The following MBP variants were observed in gnomAD, a reference collection of about 807,000 sequenced individuals.
MBP encodes the protein Golli-MBP.
A neutral mutation model predicts 35.8 loss-of-function variants in MBP; 16 were observed. The observed-to-expected ratio is 0.45, with a 90% CI of 0.30 to 0.68. The LOEUF is 0.68. MBP is among the 30% of genes least tolerant of loss of function. MBP has a pLI of 0.08. For synonymous variants in MBP, 143 were observed against 159.6 expected, an observed-to-expected ratio of 0.90 and a Z score of 0.78; for missense variants, 380 against 404.7, an observed-to-expected ratio of 0.94 and a Z score of 0.52.
intron 4 of MBP, among the ~76,000 whole-genome samples, chr18:77,008,677 C>T (rs898822458): frequency 2.0e-5 from 3 of 152,244 alleles, no homozygotes; most frequent in Non-Finnish European, 4.4e-5. Context: ...GCCCTGGCTT[C>T]CTCTGCTGCA....
At chr18:77,004,675 A>G (rs1970823581) in intron 4 of MBP, 2 of 152,276 alleles carry the variant, frequency 1.3e-5, no homozygotes, top group South Asian at 4.1e-4. Context: ...CAGAGGATGC[A>G]GCTCCTTGCA....
At chr18:77,129,601 T>C (rs1977172785) in intron 1 of MBP, among the ~76,000 whole-genome samples, 1 of 152,260 alleles carries the variant, frequency 6.6e-6, no homozygotes, top group African/African-American at 2.4e-5. Context: ...TCGCCTGGCA[T>C]TTCTGCTCAG....
intron 7 of MBP, chr18:76,986,249 C>T (rs1156236926): frequency 3.0e-6 from 3 of 985,410 alleles, no homozygotes; most frequent in African/African-American, 1.7e-5. Context: ...GGAGACTGTC[C>T]TTGAGCCCTC....
At chr18:76,985,133 T>G (rs1969472234) in intron 7 of MBP, 3 of 1,539,414 alleles carry the variant, frequency 1.9e-6, no homozygotes, top group Non-Finnish European at 2.6e-6. Context: ...GGGCGGAGGC[T>G]CTCTCATGAG....
At chr18:77,014,024 T>TCCTC in intron 4 of MBP, 1 of 985,422 alleles carries the variant, frequency 1.0e-6, no homozygotes. Flanking sequence ...GCTCACCCAT[T>TCCTC]CCTCATGTGA....
chr18:77,010,096 C>T (rs917998911), intron 4 of MBP: 1 of 609,836 alleles, frequency 1.6e-6, no homozygotes, highest in African/African-American at 1.8e-5. Context: ...AAGGCATGTG[C>T]AGATGATGGA....
rs144597580 is a variant in MBP at position 77,017,213 on chromosome 18, A to G, written c.195T>C (p.Thr65=). The change falls in exon 4 of 9, where the codon ACT becomes ACC. Residue 65 remains threonine (T), a synonymous_variant. Coordinates refer to ENST00000355994, the MANE Select transcript of MBP (RefSeq NM_001025101.2). ...TCGGGTCCGCTGTGCGCTTGGAGTC[A>G]GTCACCGCTGTGTCCTGAGAGGAGG... is the stretch of plus-strand genomic sequence containing the variant. ...NGTSSQDTAV[T]DSKRTADPKN... is the part of the protein sequence containing the mutation. The G allele has an allele frequency of 1.5e-5, 23 of 1,527,344 alleles. No homozygotes were observed. The highest frequency in any genetic ancestry group is 2.0e-5 in the Non-Finnish European group (23 of 1,138,332). 94.6% of individuals were successfully genotyped at this position (1,527,344 alleles called of 1,614,324 possible).
intron 3 of MBP, among the ~76,000 whole-genome samples, chr18:77,040,269 T>G (rs983242283): frequency 6.6e-6 from 1 of 152,088 alleles, no homozygotes; most frequent in Non-Finnish European, 1.5e-5. Context: ...CACTGCTCAA[T>G]GAAATAAAAG....
chr18:77,105,570 T>C (rs66724328), intron 1 of MBP, among the ~76,000 whole-genome samples: 6,193 of 152,264 alleles, frequency 0.041, 167 homozygotes, highest in African/African-American at 0.079. Context: ...TCTGTGTATA[T>C]GTACAGAAAT....
At chr18:77,064,670 AT>A (rs1463132841) in intron 3 of MBP, among the ~76,000 whole-genome samples, 1 of 152,262 alleles carries the variant, frequency 6.6e-6, no homozygotes, top group Non-Finnish European at 1.5e-5. Flanking sequence ...AACAAAAAAA[AT>A]CGGCATAAAT....
intron 1 of MBP, among the ~76,000 whole-genome samples, chr18:77,122,667 C>T (rs889304490): frequency 5.3e-5 from 8 of 152,148 alleles, no homozygotes; most frequent in South Asian, 2.1e-4. Context: ...CTCAGCCTCC[C>T]GAGTAGCTGG....
chr18:77,125,684 G>T (rs1977024987), intron 1 of MBP, among the ~76,000 whole-genome samples: 1 of 152,062 alleles, frequency 6.6e-6, no homozygotes, highest in African/African-American at 2.4e-5. Flanking sequence ...TTTAACTGTT[G>T]TAAGTAAATC....
chr18:77,072,719 T>C (rs1046138013), intron 2 of MBP, among the ~76,000 whole-genome samples: 1 of 152,232 alleles, frequency 6.6e-6, no homozygotes, highest in Non-Finnish European at 1.5e-5. Context: ...CCAGGACTCC[T>C]GGTGTGGCAG....
At chr18:77,075,663 G>A (rs77796196) in intron 2 of MBP, among the ~76,000 whole-genome samples, 4,601 of 152,276 alleles carry the variant, frequency 0.03, 103 homozygotes, top group Non-Finnish European at 0.043. Flanking sequence ...TTGAAGACCC[G>A]CGTGAACTCA....
At chr18:77,017,404 G>A in intron 3 of MBP, 136 bp from the exon 4 acceptor site, 1 of 727,422 alleles carries the variant, frequency 1.4e-6, no homozygotes, top group Non-Finnish European at 2.0e-6. Flanking sequence ...TAAAGCCCTT[G>A]GCCTAGGATG....
chr18:77,090,738 A>C (rs566384633), intron 2 of MBP, among the ~76,000 whole-genome samples: 29 of 152,214 alleles, frequency 1.9e-4, no homozygotes, highest in Admixed American at 4.6e-4. Flanking sequence ...GGTGAAGTCC[A>C]GGCTCAGCGG....
At chr18:77,086,154 C>T (rs1975225082) in intron 2 of MBP, among the ~76,000 whole-genome samples, 1 of 152,234 alleles carries the variant, frequency 6.6e-6, no homozygotes, top group Admixed American at 6.5e-5. Flanking sequence ...CTGAGTTCTG[C>T]TATCCCTGTG....
intron 4 of MBP, among the ~76,000 whole-genome samples, chr18:77,007,082 G>C (rs1971025984): frequency 6.6e-6 from 1 of 152,220 alleles, no homozygotes; most frequent in Non-Finnish European, 1.5e-5. Flanking sequence ...CTTCCACCCA[G>C]CTGCTTCTGT....
At chr18:77,094,800 T>A (rs570944481) in intron 2 of MBP, among the ~76,000 whole-genome samples, 2 of 152,292 alleles carry the variant, frequency 1.3e-5, no homozygotes, top group African/African-American at 4.8e-5. Context: ...GGGGAGCCAC[T>A]CGCAACTGTG....
Sources: allele counts gnomAD v4.1 joint callset (sites outside exome capture counted in the v4.1 genomes callset), GRCh38; gene constraint gnomAD v4.1.1; transcripts MANE v1.5; gene names NCBI Gene and HGNC (gene_info 2026-07-23, HGNC 2026-07-21).